The following CACNA2D3 variants were observed in gnomAD, a reference collection of about 807,000 sequenced individuals.
CACNA2D3 encodes the protein calcium voltage-gated channel auxiliary subunit alpha2delta 3.
A neutral mutation model predicts 160.6 loss-of-function variants in CACNA2D3; 60 were observed. The ratio of observed to expected loss-of-function variants is 0.37; its 90% confidence interval spans 0.30 to 0.46. CACNA2D3 has a LOEUF of 0.46. Among genes scored for constraint, CACNA2D3 ranks in the 20% least tolerant of loss-of-function variants. The probability of loss-of-function intolerance (pLI) is 1.00; values close to 1 mark genes in which losing one functional copy is unlikely to be tolerated. For missense variants in CACNA2D3, 1,205 were observed against 1,365.0 expected, an observed-to-expected ratio of 0.88 and a Z score of 1.85; for synonymous variants, 558 against 492.9, an observed-to-expected ratio of 1.13 and a Z score of -1.75.
intron 4 of CACNA2D3, among the ~76,000 whole-genome samples, chr3:54,451,929 C>G (rs2106819133): frequency 6.6e-6 from 1 of 152,288 alleles, no homozygotes; most frequent in Non-Finnish European, 1.5e-5. Flanking sequence ...CACACAAGCT[C>G]TAGGATTACC....
At chr3:54,899,659 A>G in intron 26 of CACNA2D3, 129 bp from the exon 27 acceptor site, 1 of 663,310 alleles carries the variant, frequency 1.5e-6, no homozygotes, top group Non-Finnish European at 2.7e-6. Flanking sequence ...ACCTCAGAGG[A>G]CTCTGGGGCC....
intron 4 of CACNA2D3, among the ~76,000 whole-genome samples, chr3:54,416,602 T>G (rs1699757793): frequency 6.6e-6 from 1 of 152,202 alleles, no homozygotes; most frequent in Non-Finnish European, 1.5e-5. Context: ...AAAAAATACT[T>G]ATAGCTTAAT....
chr3:54,612,657 G>A (rs1469608238), intron 9 of CACNA2D3, among the ~76,000 whole-genome samples: 1 of 152,140 alleles, frequency 6.6e-6, no homozygotes, highest in Non-Finnish European at 1.5e-5. Flanking sequence ...TTATACTCAT[G>A]AAATCTACTG....
At chr3:54,584,743 A>G (rs1559519222) in intron 9 of CACNA2D3, among the ~76,000 whole-genome samples, 1 of 152,208 alleles carries the variant, frequency 6.6e-6, no homozygotes, top group Non-Finnish European at 1.5e-5. Context: ...CATAAATATA[A>G]TTAGACAAGA....
intron 9 of CACNA2D3, among the ~76,000 whole-genome samples, chr3:54,591,271 G>A (rs2106755776): frequency 6.6e-6 from 1 of 152,298 alleles, no homozygotes; most frequent in African/African-American, 2.4e-5. Flanking sequence ...CCTCTCCCCA[G>A]CTATCTCCTC....
chr3:54,190,242 C>T (rs1473846319), intron 2 of CACNA2D3, among the ~76,000 whole-genome samples: 2 of 152,162 alleles, frequency 1.3e-5, no homozygotes, highest in Non-Finnish European at 2.9e-5. Context: ...ACATGAATTT[C>T]GGGGGCACAC....
intron 11 of CACNA2D3, among the ~76,000 whole-genome samples, chr3:54,676,255 C>T (rs1700241590): frequency 6.6e-6 from 1 of 152,148 alleles, no homozygotes; most frequent in Admixed American, 6.5e-5. Context: ...GACATTGAAA[C>T]TGAAATGGCA....
chr3:54,891,219 GTGTT>G, intron 24 of CACNA2D3, 132 bp from the exon 25 acceptor site: 7 of 618,402 alleles, frequency 1.1e-5, no homozygotes, highest in East Asian at 2.8e-5. Flanking sequence ...GTGTGTGTGT[GTGTT>G]TCTGTATCTT....
At chr3:54,474,094 C>T (rs540086654) in intron 4 of CACNA2D3, among the ~76,000 whole-genome samples, 1 of 152,264 alleles carries the variant, frequency 6.6e-6, no homozygotes, top group East Asian at 1.9e-4. Flanking sequence ...CAGACATATG[C>T]ACGCATATGT....
chr3:54,551,857 G>A (rs1189924387), intron 5 of CACNA2D3, among the ~76,000 whole-genome samples: 2 of 152,178 alleles, frequency 1.3e-5, no homozygotes, highest in Non-Finnish European at 2.9e-5. Flanking sequence ...TCCAAAATGA[G>A]CCTTATGTCC....
intron 2 of CACNA2D3, among the ~76,000 whole-genome samples, chr3:54,301,441 G>T (rs1559915007): frequency 6.6e-6 from 1 of 151,986 alleles, no homozygotes; most frequent in Non-Finnish European, 1.5e-5. Flanking sequence ...TCCAACCTGG[G>T]TGACAAAATG....
chr3:54,927,743 C>A (rs1200934363), intron 27 of CACNA2D3, among the ~76,000 whole-genome samples: 1 of 152,206 alleles, frequency 6.6e-6, no homozygotes, highest in Non-Finnish European at 1.5e-5. Context: ...CTGCACCCAA[C>A]ATGCGCAAAC....
rs62252183 is a variant in CACNA2D3 at position 54,187,715 on chromosome 3, G to A, written c.204+64121G>A. Among the ~76,000 whole-genome samples, 1,462 of 152,262 alleles carry A rather than the reference G, an allele frequency of 9.6e-3. 9 individuals carry two copies. Among genetic ancestry groups the A allele is most frequent in the South Asian group, 0.027 (131 of 4,822 alleles). ...GATGGTTTCAGGATGAAACTGTTCCGTCTCAGATCATCAGGCATTAGTTAG... is the reference window on the plus strand; with the variant it reads ...GATGGTTTCAGGATGAAACTGTTCCATCTCAGATCATCAGGCATTAGTTAG... On this transcript the variant is annotated intron_variant, in intron 2 of 37. Transcript: ENST00000474759.
chr3:54,427,172 A>G (rs1242196783), intron 4 of CACNA2D3, among the ~76,000 whole-genome samples: 4 of 152,152 alleles, frequency 2.6e-5, no homozygotes, highest in African/African-American at 7.2e-5. Context: ...CTGCCTGGTC[A>G]TTTGGTGTTG....
chr3:54,265,156 C>G (rs1279123796), intron 2 of CACNA2D3, among the ~76,000 whole-genome samples: 3 of 152,194 alleles, frequency 2.0e-5, no homozygotes, highest in African/African-American at 4.8e-5. Flanking sequence ...TGAGGAATCA[C>G]CACACTGTCT....
intron 2 of CACNA2D3, among the ~76,000 whole-genome samples, chr3:54,188,763 A>C (rs551538413): frequency 6.6e-6 from 1 of 152,344 alleles, no homozygotes; most frequent in South Asian, 2.1e-4. Flanking sequence ...TAGATCCACA[A>C]ACCCCAAACT....
At chr3:54,919,394 A>C (rs142411392) in intron 27 of CACNA2D3, among the ~76,000 whole-genome samples, 3 of 152,232 alleles carry the variant, frequency 2.0e-5, no homozygotes, top group African/African-American at 7.2e-5. Context: ...AGTGATGCCA[A>C]ATGGAGAGGT....
chr3:54,715,446 A>G (rs1265455614), intron 11 of CACNA2D3, among the ~76,000 whole-genome samples: 1 of 152,032 alleles, frequency 6.6e-6, no homozygotes, highest in Non-Finnish European at 1.5e-5. Flanking sequence ...TTTTTTATGA[A>G]GGATTCATTA....
intron 11 of CACNA2D3, among the ~76,000 whole-genome samples, chr3:54,683,688 C>A (rs1300324917): frequency 2.6e-5 from 4 of 152,138 alleles, no homozygotes; most frequent in Non-Finnish European, 4.4e-5. Flanking sequence ...TACTATGTTT[C>A]TCAGGGATGC....
Sources: allele counts gnomAD v4.1 joint callset (sites outside exome capture counted in the v4.1 genomes callset), GRCh38; gene constraint gnomAD v4.1.1; transcripts MANE v1.5; gene names NCBI Gene and HGNC (gene_info 2026-07-23, HGNC 2026-07-21).